PRRG4: variants seen among roughly 807,000 people sequenced by gnomAD.
PRRG4 encodes the protein transmembrane gamma-carboxyglutamic acid protein 4.
PRRG4 carries 12 observed loss-of-function variants against 20.0 expected under a neutral mutation model. The observed-to-expected ratio is 0.60, with a 90% confidence interval of 0.38 to 0.97. The LOEUF is 0.97. PRRG4 is among the 50% of genes least tolerant of loss of function. The probability of loss-of-function intolerance (pLI) is 0.00; values close to 1 mark genes in which losing one functional copy is unlikely to be tolerated. For synonymous variants in PRRG4, 94 were observed against 96.4 expected (o/e 0.98, Z 0.15); for missense variants, 199 against 265.1 (o/e 0.75, Z 1.73).
chr11:32,836,493 C>T (rs972125235), intron 2 of PRRG4, among the ~76,000 whole-genome samples, 165 bp from the exon 3 acceptor site: 1 of 152,184 alleles, frequency 6.6e-6, no homozygotes, highest in Non-Finnish European at 1.5e-5. Flanking sequence ...ATTATCTTCA[C>T]TGATGCTTTT....
chr11:32,837,526 GATGATGATGATGATGATTATTATT>G (rs1565113775), intron 3 of PRRG4, among the ~76,000 whole-genome samples: 1 of 111,578 alleles, frequency 9.0e-6, no homozygotes, highest in African/African-American at 3.6e-5. Context: ...TGATGATGAT[GATGATGATGATGATGATTATTATT>G]ATTATTATTA....
chr11:32,849,023 A>G (rs369052402), intron 5 of PRRG4, among the ~76,000 whole-genome samples: 6 of 151,742 alleles, frequency 4.0e-5, no homozygotes, highest in East Asian at 3.9e-4. Context: ...AGATTCACCT[A>G]TTGGAAGATT....
At position 32,830,574 on chromosome 11, in the gene PRRG4, C is replaced by T. The variant is rs368679892; in HGVS notation, c.45C>T (p.Thr15=). ...LVLLSQLPTV[T]LGFPHCARGP... is the part of the protein sequence containing the mutation. ...TACTCAGCCAACTGCCCACAGTTAC[C>T]CTGGGGTTTCCTCATTGCGCAAGAG... Residue 15 remains threonine, a synonymous_variant, in exon 2 of 6, where the codon ACC becomes ACT. Coordinates refer to ENST00000257836, the MANE Select transcript of PRRG4 (RefSeq NM_024081.6). The T allele has an allele frequency of 3.9e-5, 63 of 1,611,274 alleles. No individual in the cohort carries two copies. The highest frequency in any genetic ancestry group is 5.2e-5 in the Non-Finnish European group (61 of 1,179,106).
chr11:32,831,596 C>T (rs1850971852), intron 2 of PRRG4, among the ~76,000 whole-genome samples: 1 of 152,150 alleles, frequency 6.6e-6, no homozygotes, highest in African/African-American at 2.4e-5. Flanking sequence ...GAAGAGGATC[C>T]TTTTTAGTCC....
rs938686546 is a variant in PRRG4, at chr11:32,855,888, C to A, written c.*2361C>A. On this transcript the variant is annotated 3_prime_UTR_variant, in exon 6 of 6. Transcript: ENST00000257836. Reference sequence around the variant, plus strand: ...ATCACACTAAGGCATGGAAGAACAACTTGCCCAGAATCTAGCAGGTTGGTG... The same window carrying A: ...ATCACACTAAGGCATGGAAGAACAAATTGCCCAGAATCTAGCAGGTTGGTG... The A allele has an allele frequency of 6.6e-6, 1 of 152,180 alleles. No individual in the cohort carries two copies. The highest frequency in any genetic ancestry group is 1.5e-5 in the Non-Finnish European group (1 of 68,030). 9.4% of individuals were successfully genotyped at this position (152,180 alleles called of 1,614,324 possible).
In PRRG4 at chr11:32,851,458, T is replaced by G. The variant is rs186633760; in HGVS notation, c.450-1838T>G. Among the ~76,000 whole-genome samples the G allele has an allele frequency of 5.3e-5, 8 of 152,364 alleles. No homozygotes were observed. In the East Asian group the frequency reaches 1.3e-3, roughly 26 times the overall value. On this transcript the variant is annotated intron_variant, in intron 5 of 5. Coordinates refer to ENST00000257836, the MANE Select transcript of PRRG4 (RefSeq NM_024081.6). ...CAGATTTCTGACAGAGGAGGAATTG[T>G]GTTGAGCTCTCTAAGTAAACTTGTG...
At chr11:32,834,940 AGTAGCT>A (rs1250462069) in intron 2 of PRRG4, among the ~76,000 whole-genome samples, 1 of 152,148 alleles carries the variant, frequency 6.6e-6, no homozygotes, top group Non-Finnish European at 1.5e-5. Context: ...CAGCCTCTCG[AGTAGCT>A]GGAACTACAG....
chr11:32,847,464 T>C (rs774215521), intron 5 of PRRG4, among the ~76,000 whole-genome samples: 2 of 152,160 alleles, frequency 1.3e-5, no homozygotes, highest in East Asian at 3.9e-4. Flanking sequence ...CCAGCTATTC[T>C]AGAATAGCTG....
chr11:32,839,790 C>T (rs12282776), intron 4 of PRRG4, among the ~76,000 whole-genome samples: 4 of 140,994 alleles, frequency 2.8e-5, no homozygotes, highest in South Asian at 2.2e-4. Flanking sequence ...ATTTTGAATA[C>T]TATTAAAATA....
In PRRG4 at chr11:32,853,616, C is replaced by T. The variant is rs1851204383; in HGVS notation, c.*89C>T. 9.3e-7 allele frequency: 1 copy of T among 1,069,890 alleles called. No homozygotes were observed. Among genetic ancestry groups the T allele is most frequent in the South Asian group, 1.4e-5 (1 of 70,976 alleles). The allele number at this position is 1,069,890 out of a possible 1,614,324, so 66.3% of individuals were successfully genotyped here. A position where few individuals can be genotyped will look rare whatever the true frequency, so the allele number is the denominator to read the frequency against. On this transcript the variant is annotated 3_prime_UTR_variant, in exon 6 of 6. Coordinates refer to ENST00000257836, the MANE Select transcript of PRRG4 (RefSeq NM_024081.6). ...CCTGTAATCCCAGCACTTTGGGAGG[C>T]CAGGAGTTCGAGACCAGCCTGGCCA... is the stretch of plus-strand genomic sequence containing the variant.
intron 2 of PRRG4, among the ~76,000 whole-genome samples, chr11:32,835,286 A>G (rs1300042675): frequency 6.6e-6 from 1 of 152,248 alleles, no homozygotes; most frequent in Non-Finnish European, 1.5e-5. Flanking sequence ...AGGTCACTCA[A>G]AAATCAGTAT....
intron 1 of PRRG4, 62 bp from the exon 2 acceptor site, chr11:32,830,446 A>G (rs1171128802): frequency 2.4e-6 from 3 of 1,234,220 alleles, no homozygotes; most frequent in Non-Finnish European, 3.2e-6. Flanking sequence ...TCAGTTCGAC[A>G]GAAACTCAAA....
At chr11:32,846,050 A>G (rs1429832954) in intron 5 of PRRG4, among the ~76,000 whole-genome samples, 2 of 152,048 alleles carry the variant, frequency 1.3e-5, no homozygotes, top group African/African-American at 4.8e-5. Context: ...CCCAACTACT[A>G]GGCGGGCTTA....
intron 5 of PRRG4, among the ~76,000 whole-genome samples, chr11:32,841,070 TA>T (rs200004639): frequency 1.7e-3 from 238 of 141,140 alleles, no homozygotes; most frequent in Admixed American, 1.5e-3. Flanking sequence ...ACAATCTTAT[TA>T]AAAAAAAAAA....
chr11:32,834,018 G>C (rs965350805), intron 2 of PRRG4, among the ~76,000 whole-genome samples: 1 of 152,096 alleles, frequency 6.6e-6, no homozygotes, highest in African/African-American at 2.4e-5. Context: ...AGAGAACCAG[G>C]TGTGTTGGAA....
intron 5 of PRRG4, among the ~76,000 whole-genome samples, chr11:32,846,051 G>T (rs375003500): frequency 1.3e-5 from 2 of 152,032 alleles, no homozygotes; most frequent in East Asian, 3.9e-4. Context: ...CCAACTACTA[G>T]GCGGGCTTAG....
chr11:32,853,188 T>C lies in PRRG4; in HGVS notation c.450-108T>C, dbSNP rs533444929. On this transcript the variant is annotated intron_variant, in intron 5 of 5. Transcript: ENST00000257836. The stretch of plus-strand genomic sequence containing the variant: ...GGGTAAAATAAAACTGTTATATTAA[T>C]ACATTGTGTTTAATGTTTATTAAGA... 300 of 758,926 alleles carry C rather than the reference T, an allele frequency of 4.0e-4. 4 individuals carry two copies. In the South Asian group the frequency reaches 4.8e-3, roughly 12 times the overall value. The allele number at this position is 758,926 out of a possible 1,614,324, so 47.0% of individuals were successfully genotyped here. A position where few individuals can be genotyped will look rare whatever the true frequency, so the allele number is the denominator to read the frequency against.
rs1379761632 is a variant in PRRG4 at position 32,855,606 on chromosome 11, AT to A, written c.*2080del. 2 of 152,172 alleles carry A rather than the reference AT, an allele frequency of 1.3e-5. No homozygotes were observed. Among genetic ancestry groups the A allele is most frequent in the Non-Finnish European group, 2.9e-5 (2 of 68,020 alleles). 9.4% of individuals were successfully genotyped at this position (152,172 alleles called of 1,614,324 possible). A position where few individuals can be genotyped will look rare whatever the true frequency, so the allele number is the denominator to read the frequency against. ...TAAGGCAGATAAAAGTAAGTCCTTA[AT>A]CATTACAGACTGCCAAAGACTTTAT... On this transcript the variant is annotated 3_prime_UTR_variant, in exon 6 of 6. Coordinates refer to ENST00000257836, the MANE Select transcript of PRRG4 (RefSeq NM_024081.6).
intron 5 of PRRG4, among the ~76,000 whole-genome samples, chr11:32,844,209 AAAC>A (rs1851105674): frequency 6.6e-6 from 1 of 152,100 alleles, no homozygotes; most frequent in Non-Finnish European, 1.5e-5. Context: ...AATGTTACTT[AAAC>A]TTATACTCTG....
Sources: allele counts gnomAD v4.1 joint callset (sites outside exome capture counted in the v4.1 genomes callset), GRCh38; gene constraint gnomAD v4.1.1; transcripts MANE v1.5; gene names NCBI Gene and HGNC (gene_info 2026-07-23, HGNC 2026-07-21).